PDZD9: variants seen among roughly 807,000 people sequenced by gnomAD.
The protein encoded by PDZD9 is PDZ domain-containing protein 9.
Under a neutral mutation model 16.3 loss-of-function variants are expected in PDZD9, and 13 were observed. The observed-to-expected ratio is 0.80, with a 90% CI of 0.52 to 1.27. The LOEUF is 1.27. Ranked by LOEUF, PDZD9 falls within the 50% of genes most tolerant of loss-of-function variation. The probability of loss-of-function intolerance (pLI) is 0.00; values close to 1 mark genes in which losing one functional copy is unlikely to be tolerated. For missense variants in PDZD9, 288 were observed against 310.9 expected (o/e 0.93, Z 0.55); for synonymous variants, 120 against 111.0 (o/e 1.08, Z -0.51).
the PDZD9 span, among the ~76,000 whole-genome samples, chr16:21,961,682 C>T: frequency 1.9e-5 from 2 of 105,992 alleles, no homozygotes; most frequent in African/African-American, 2.8e-5. Context: ...TAGACAGTCT[C>T]GCTGTGTCGC....
Position 21,984,008 on chromosome 16 carries a change from G to T in PDZD9, c.*259C>A. On this transcript the variant is annotated 3_prime_UTR_variant, in exon 4 of 4. Coordinates refer to ENST00000424898, the MANE Select transcript of PDZD9 (RefSeq NM_001363519.1). Reference sequence around the variant, plus strand: ...ACATTCTGATATTGGATTTCTCTACGGCATTTTCTAAAAGAAAGAAATTCT... The same window carrying T: ...ACATTCTGATATTGGATTTCTCTACTGCATTTTCTAAAAGAAAGAAATTCT... 6.6e-6 allele frequency: 2 copies of T among 301,620 alleles called. No homozygotes were observed. The highest frequency in any genetic ancestry group is 5.7e-5 in the East Asian group (1 of 17,588). 18.7% of individuals were successfully genotyped at this position (301,620 alleles called of 1,614,324 possible).
the PDZD9 span, among the ~76,000 whole-genome samples, chr16:21,974,456 A>G: frequency 6.6e-6 from 1 of 152,260 alleles, no homozygotes; most frequent in Non-Finnish European, 1.5e-5. Flanking sequence ...TTTGAAGGAT[A>G]GGAAAGAGAG....
At chr16:21,962,743 T>C in the PDZD9 span, 1 of 1,613,974 alleles carries the variant, frequency 6.2e-7, no homozygotes, top group Non-Finnish European at 8.5e-7. Context: ...ATAATTCTTA[T>C]CTCGATGTCT....
chr16:21,970,718 T>A, the PDZD9 span, among the ~76,000 whole-genome samples: 1 of 152,182 alleles, frequency 6.6e-6, no homozygotes, highest in Non-Finnish European at 1.5e-5. Context: ...CCCGAGTAGC[T>A]GGGATTACAG....
the PDZD9 span, among the ~76,000 whole-genome samples, chr16:21,978,502 T>A: frequency 6.6e-6 from 1 of 152,214 alleles, no homozygotes; most frequent in Non-Finnish European, 1.5e-5. Flanking sequence ...TTACAAGACC[T>A]GTACTGCCCT....
At chr16:21,982,294 A>G (rs994433869), downstream of PDZD9, among the ~76,000 whole-genome samples, 1 of 152,178 alleles carries the variant, frequency 6.6e-6, no homozygotes, top group African/African-American at 2.4e-5. Flanking sequence ...CACCTGACTC[A>G]TGATACTACA....
At chr16:21,961,669 T>TATATATGTATA in the PDZD9 span, among the ~76,000 whole-genome samples, 1 of 128,960 alleles carries the variant, frequency 7.8e-6, no homozygotes, top group Non-Finnish European at 1.7e-5. Context: ...TATATATATA[T>TATATATGTATA]TTTAGACAGT....
the PDZD9 span, chr16:21,962,206 G>A: frequency 1.7e-5 from 8 of 476,310 alleles, no homozygotes; most frequent in Admixed American, 6.6e-5. Flanking sequence ...ATTATCCTTA[G>A]CATAATGTCC....
chr16:21,998,003 A>G (rs1027134095), intron 1 of PDZD9, among the ~76,000 whole-genome samples: 3 of 152,130 alleles, frequency 2.0e-5, no homozygotes, highest in Non-Finnish European at 4.4e-5. Context: ...GTCCTTGCCC[A>G]TCTCCAACCT....
chr16:21,982,705 C>T (rs1463551782), downstream of PDZD9, among the ~76,000 whole-genome samples: 1 of 152,220 alleles, frequency 6.6e-6, no homozygotes, highest in Non-Finnish European at 1.5e-5. Context: ...TGGCTCACGC[C>T]TGTAATCCCA....
chr16:21,962,850 T>A, the PDZD9 span: 1 of 1,614,090 alleles, frequency 6.2e-7, no homozygotes, highest in Non-Finnish European at 8.5e-7. Flanking sequence ...CAGCTAAAGA[T>A]TGACAAAGCT....
chr16:21,998,893 A>C (rs1899220018), intron 1 of PDZD9: 1 of 215,324 alleles, frequency 4.6e-6, no homozygotes, highest in African/African-American at 2.3e-5. Flanking sequence ...AAATGCTAGC[A>C]ACATACCAGA....
rs1898805493 is a variant in PDZD9 at position 21,984,072 on chromosome 16, T to C, written c.*195A>G. On this transcript the variant is annotated 3_prime_UTR_variant, in exon 4 of 4. Transcript: ENST00000424898. ...GGTCTTATTCTGAAAATAAGATTTG[T>C]GAGGCCTGCAAGAACCCAAGGAAGT... is the stretch of plus-strand genomic sequence containing the variant. 5 of 516,072 alleles carry C rather than the reference T, an allele frequency of 9.7e-6. No homozygotes were observed. Among genetic ancestry groups the C allele is most frequent in the African/African-American group, 9.6e-5 (5 of 51,890 alleles). The allele number at this position is 516,072 out of a possible 1,614,324, so 32.0% of individuals were successfully genotyped here. A position where few individuals can be genotyped will look rare whatever the true frequency, so the allele number is the denominator to read the frequency against.
chr16:21,963,462 TTTTG>T, the PDZD9 span, among the ~76,000 whole-genome samples: 25 of 152,054 alleles, frequency 1.6e-4, no homozygotes, highest in East Asian at 9.7e-4. Context: ...AATGTTTTGT[TTTTG>T]TTTGTTTGTT....
intron 2 of PDZD9, 84 bp from the exon 3 acceptor site, chr16:21,988,875 C>A (rs2141956727): frequency 2.9e-5 from 28 of 958,138 alleles, no homozygotes; most frequent in East Asian, 7.2e-5. Flanking sequence ...TGAGGTATTT[C>A]ATTTTATGGG....
the PDZD9 span, among the ~76,000 whole-genome samples, chr16:21,959,987 C>G: frequency 2.0e-5 from 3 of 152,150 alleles, no homozygotes; most frequent in Non-Finnish European, 4.4e-5. Flanking sequence ...AGAGCATAGG[C>G]AGAGTAGATT....
At chr16:21,961,896 G>A in the PDZD9 span, among the ~76,000 whole-genome samples, 141 of 151,322 alleles carry the variant, frequency 9.3e-4, 1 homozygote, top group Admixed American at 6.6e-5. Context: ...CAAGTGATCC[G>A]CCCACCTCGG....
the PDZD9 span, chr16:21,962,647 C>G: frequency 6.3e-7 from 1 of 1,587,440 alleles, no homozygotes; most frequent in East Asian, 2.2e-5. Context: ...TGCTCAAAAA[C>G]ACTGCTTACC....
At chr16:21,962,821 A>G in the PDZD9 span, 1 of 1,614,158 alleles carries the variant, frequency 6.2e-7, no homozygotes, top group Non-Finnish European at 8.5e-7. Flanking sequence ...GTCGTTGGGA[A>G]GTAGCTGACC....
Sources: gnomAD v4.1 joint callset for allele counts (sites outside exome capture counted in the v4.1 genomes callset) on GRCh38, gnomAD v4.1.1 for gene constraint, MANE v1.5 for transcripts, NCBI Gene and HGNC (gene_info 2026-07-23, HGNC 2026-07-21) for gene names.